ZBTB7C: variants seen among roughly 807,000 people sequenced by gnomAD.
The protein encoded by ZBTB7C is zinc finger and BTB domain-containing protein 7C.
In ZBTB7C, 8 loss-of-function variants were observed where a neutral mutation model predicts 25.7. The ratio of observed to expected loss-of-function variants is 0.31; its 90% CI spans 0.18 to 0.56. The LOEUF (loss-of-function observed/expected upper bound fraction) is 0.56, where lower values mean the gene tolerates loss of function less well. Among genes scored for constraint, ZBTB7C ranks in the 20% least tolerant of loss-of-function variants. The pLI, the probability that ZBTB7C is intolerant of heterozygous loss-of-function variation, is 0.91. For missense variants in ZBTB7C, 824 were observed against 855.2 expected, an observed-to-expected ratio of 0.96 and a Z score of 0.46; for synonymous variants, 394 against 369.0, an observed-to-expected ratio of 1.07 and a Z score of -0.78.
rs531743805 is a variant in ZBTB7C at position 48,204,592 on chromosome 18, G to C, written c.-78-18597C>G. On this transcript the variant is annotated intron_variant, in intron 2 of 4. Coordinates refer to ENST00000590800, the MANE Select transcript of ZBTB7C (RefSeq NM_001318841.2). Reference sequence around the variant, plus strand: ...CATTCCTTCCCTTCATGTAGCTTAAGCTTTGCCTCCTTATCTACAGCAACA... The same window carrying C: ...CATTCCTTCCCTTCATGTAGCTTAACCTTTGCCTCCTTATCTACAGCAACA... Among the ~76,000 whole-genome samples the C allele has an allele frequency of 2.6e-5, 4 of 152,258 alleles. No individual in the cohort carries two copies. In the East Asian group the frequency reaches 7.7e-4, roughly 29 times the overall value.
At chr18:48,068,281 C>T (rs1030037234) in intron 3 of ZBTB7C, among the ~76,000 whole-genome samples, 5 of 151,506 alleles carry the variant, frequency 3.3e-5, no homozygotes, top group East Asian at 3.9e-4. Flanking sequence ...TGGGACTACT[C>T]GGTGCCTGCC....
chr18:48,127,872 G>A (rs1156262190), intron 3 of ZBTB7C, among the ~76,000 whole-genome samples: 6 of 152,162 alleles, frequency 3.9e-5, no homozygotes, highest in East Asian at 1.9e-4. Context: ...GAGCAGTGGC[G>A]GGAGAAGGGA....
intron 3 of ZBTB7C, among the ~76,000 whole-genome samples, chr18:48,184,104 C>T (rs533998324): frequency 3.9e-5 from 6 of 152,280 alleles, no homozygotes; most frequent in South Asian, 2.1e-4. Flanking sequence ...TGGAAGCACA[C>T]GTGAGCCTTC....
At chr18:48,151,598 T>C (rs903126545) in intron 3 of ZBTB7C, among the ~76,000 whole-genome samples, 9 of 152,160 alleles carry the variant, frequency 5.9e-5, no homozygotes, top group Non-Finnish European at 1.3e-4. Flanking sequence ...ACCTAGTCAA[T>C]GCCAGAACTA....
At chr18:48,083,893 T>C in intron 3 of ZBTB7C, 5 of 985,308 alleles carry the variant, frequency 5.1e-6, no homozygotes, top group Non-Finnish European at 6.0e-6. Context: ...AGAGCTTCAG[T>C]GGACCCATTT....
intron 2 of ZBTB7C, among the ~76,000 whole-genome samples, chr18:48,271,942 C>T (rs2044500800): frequency 6.6e-6 from 1 of 152,168 alleles, no homozygotes. Context: ...CTATTCATCA[C>T]TGAATTCAAA....
At chr18:48,240,050 C>T (rs2144349857) in intron 2 of ZBTB7C, among the ~76,000 whole-genome samples, 1 of 152,074 alleles carries the variant, frequency 6.6e-6, no homozygotes, top group East Asian at 1.9e-4. Context: ...ATGAAAGACA[C>T]ACTCAGAGAA....
chr18:48,204,362 A>C (rs1351954406), intron 2 of ZBTB7C, among the ~76,000 whole-genome samples: 1 of 152,000 alleles, frequency 6.6e-6, no homozygotes, highest in Non-Finnish European at 1.5e-5. Context: ...TGCACTTATC[A>C]TCTCCTCCTC....
rs542528790 is a variant in ZBTB7C, at chr18:48,326,527, G to T, written c.-79+11647C>A. ...AGCAAAAAAATTGGAAATGACCCAAGTCGGTCCCTCCATAGGGGACTGGTT... is the reference window on the plus strand; with the variant it reads ...AGCAAAAAAATTGGAAATGACCCAATTCGGTCCCTCCATAGGGGACTGGTT... On this transcript the variant is annotated intron_variant, in intron 2 of 4. Transcript: ENST00000590800. Among the ~76,000 whole-genome samples, 55 of 152,220 alleles carry T rather than the reference G, an allele frequency of 3.6e-4. No homozygotes were observed. The South Asian group carries it at 0.011, about 30-fold the overall frequency.
At chr18:48,293,373 T>C (rs2045290439) in intron 2 of ZBTB7C, among the ~76,000 whole-genome samples, 1 of 152,156 alleles carries the variant, frequency 6.6e-6, no homozygotes, top group South Asian at 2.1e-4. Context: ...TCTCAAATGC[T>C]CCATCCCCAA....
chr18:48,261,304 G>A (rs990375255), intron 2 of ZBTB7C, among the ~76,000 whole-genome samples: 1 of 152,186 alleles, frequency 6.6e-6, no homozygotes, highest in Non-Finnish European at 1.5e-5. Context: ...AGGGCACCGT[G>A]TGCAGACAGG....
intron 3 of ZBTB7C, among the ~76,000 whole-genome samples, chr18:48,112,505 G>A (rs1180345559): frequency 2.0e-5 from 3 of 152,012 alleles, no homozygotes; most frequent in East Asian, 3.9e-4. Flanking sequence ...GCGCTACCAT[G>A]CCCAGCAGAT....
chr18:48,233,178 T>C (rs1334390084), intron 2 of ZBTB7C, among the ~76,000 whole-genome samples: 1 of 151,994 alleles, frequency 6.6e-6, no homozygotes, highest in Non-Finnish European at 1.5e-5. Flanking sequence ...AATGCCATGA[T>C]TGTGGGAGTG....
chr18:48,320,825 A>G (rs1568374616), intron 2 of ZBTB7C, among the ~76,000 whole-genome samples: 3 of 151,354 alleles, frequency 2.0e-5, no homozygotes, highest in Non-Finnish European at 4.4e-5. Flanking sequence ...CTCTTTCCCA[A>G]CTCCTCCTAC....
chr18:48,166,995 A>G (rs2144993555), intron 3 of ZBTB7C, among the ~76,000 whole-genome samples: 1 of 152,298 alleles, frequency 6.6e-6, no homozygotes, highest in Middle Eastern at 3.4e-3. Context: ...AGCACAAAGC[A>G]GAGCCTGCTC....
chr18:48,354,319 C>G (rs75240112), intron 1 of ZBTB7C, among the ~76,000 whole-genome samples: 9,282 of 152,136 alleles, frequency 0.061, 403 homozygotes, highest in East Asian at 0.18. Context: ...ACCACTGTGT[C>G]CAGCTTTACA....
At chr18:48,167,601 CGCGT>C (rs1328916130) in intron 3 of ZBTB7C, among the ~76,000 whole-genome samples, 5 of 55,210 alleles carry the variant, frequency 9.1e-5, no homozygotes, top group African/African-American at 1.9e-4. Context: ...TGTGTGTGCG[CGCGT>C]GCACACGCGC....
chr18:48,050,233 C>G (rs1171899958), intron 3 of ZBTB7C, among the ~76,000 whole-genome samples: 1 of 152,174 alleles, frequency 6.6e-6, no homozygotes, highest in African/African-American at 2.4e-5. Context: ...TAGATCTCTG[C>G]TGGGCACACC....
At chr18:48,280,134 G>GCA (rs2044791211) in intron 2 of ZBTB7C, among the ~76,000 whole-genome samples, 1 of 152,182 alleles carries the variant, frequency 6.6e-6, no homozygotes, top group South Asian at 2.1e-4. Flanking sequence ...GTAGGCAGGA[G>GCA]CACAGCCAAG....
Sources: allele counts gnomAD v4.1 joint callset (sites outside exome capture counted in the v4.1 genomes callset), GRCh38; gene constraint gnomAD v4.1.1; transcripts MANE v1.5; gene names NCBI Gene and HGNC (gene_info 2026-07-23, HGNC 2026-07-21).